Variants in BNC2 observed in about 807,000 individuals in gnomAD.
BNC2 encodes basonuclin zinc finger protein 2.
A neutral mutation model predicts 76.3 loss-of-function variants in BNC2; 20 were observed. The observed-to-expected ratio is 0.26, with a 90% CI of 0.18 to 0.38. BNC2 has a LOEUF of 0.38. BNC2 is among the 10% of genes least tolerant of loss of function. BNC2 has a pLI of 1.00. For missense variants in BNC2, 1,382 were observed against 1,399.8 expected (o/e 0.99, Z 0.20); for synonymous variants, 582 against 514.8 (o/e 1.13, Z -1.77).
intron 3 of BNC2, among the ~76,000 whole-genome samples, chr9:16,625,123 AT>A (rs970168051): frequency 2.0e-5 from 3 of 152,208 alleles, no homozygotes; most frequent in African/African-American, 7.2e-5. Context: ...TCAGAGAATT[AT>A]TTGTAAGATT....
At chr9:16,699,612 G>C (rs1823448570) in intron 3 of BNC2, among the ~76,000 whole-genome samples, 1 of 152,198 alleles carries the variant, frequency 6.6e-6, no homozygotes, top group Admixed American at 6.5e-5. Context: ...AACTGCATAA[G>C]ACTAGCAATC....
intron 5 of BNC2, among the ~76,000 whole-genome samples, chr9:16,500,645 C>T (rs1490110331): frequency 2.0e-5 from 3 of 151,976 alleles, no homozygotes; most frequent in Non-Finnish European, 2.9e-5. Context: ...AAATTTTGGC[C>T]AAAGAATTTA....
intron 1 of BNC2, among the ~76,000 whole-genome samples, chr9:16,840,222 A>G (rs1586925458): frequency 6.6e-6 from 1 of 152,154 alleles, no homozygotes; most frequent in Non-Finnish European, 1.5e-5. Context: ...TGTTTATCAC[A>G]TACCCACTAA....
chr9:16,419,141 G>A lies in BNC2; in HGVS notation c.3148C>T (p.Leu1050=), dbSNP rs759422661. Residue 1050 remains leucine (L), a synonymous_variant, in exon 7 of 7, where the codon CTG becomes TTG. Coordinates refer to ENST00000380672, the MANE Select transcript of BNC2 (RefSeq NM_017637.6). The part of the protein sequence containing the change: ...CHKMYSNKGT[L]RVHYKTVHLR... ...TGCACAGTTTTGTAGTGCACTCTCA[G>A]GGTCCCCTTGTTGCTGTACATTTTG... The A allele has an allele frequency of 6.2e-6, 10 of 1,614,062 alleles. No individual in the cohort carries two copies. In the East Asian group the frequency reaches 1.1e-4, roughly 18 times the overall value.
intron 4 of BNC2, among the ~76,000 whole-genome samples, chr9:16,566,086 C>T (rs946207035): frequency 6.6e-6 from 1 of 152,084 alleles, no homozygotes; most frequent in Admixed American, 6.6e-5. Flanking sequence ...TTTTCTTTCC[C>T]GTTTCGATTT....
At chr9:16,784,321 CACTACT>C (rs1826225242) in intron 1 of BNC2, among the ~76,000 whole-genome samples, 1 of 152,034 alleles carries the variant, frequency 6.6e-6, no homozygotes, top group Admixed American at 6.6e-5. Context: ...AACTATTTAC[CACTACT>C]ACTACTATAC....
intron 1 of BNC2, among the ~76,000 whole-genome samples, chr9:16,861,806 A>T (rs980847978): frequency 1.3e-5 from 2 of 152,142 alleles, no homozygotes; most frequent in African/African-American, 4.8e-5. Context: ...TGGCTAACAC[A>T]GTGAAACAAC....
At chr9:16,783,497 G>A (rs112833643) in intron 1 of BNC2, among the ~76,000 whole-genome samples, 1 of 152,182 alleles carries the variant, frequency 6.6e-6, no homozygotes, top group African/African-American at 2.4e-5. Flanking sequence ...TTCTGCATAC[G>A]ACAAGTTTCA....
chr9:16,499,885 G>C (rs1159774478), intron 5 of BNC2, among the ~76,000 whole-genome samples: 1 of 151,880 alleles, frequency 6.6e-6, no homozygotes, highest in East Asian at 1.9e-4. Flanking sequence ...AAGAAAATAT[G>C]ATCAATCTTC....
chr9:16,623,674 G>A (rs1820921242), intron 3 of BNC2, among the ~76,000 whole-genome samples: 1 of 152,202 alleles, frequency 6.6e-6, no homozygotes, highest in Non-Finnish European at 1.5e-5. Context: ...ATGCATAACA[G>A]ATAAACACTG....
At chr9:16,626,326 C>T (rs993787864) in intron 3 of BNC2, 4 of 152,056 alleles carry the variant, frequency 2.6e-5, no homozygotes, top group South Asian at 2.1e-4. Context: ...CTTTAAAATG[C>T]GAGTTTTTCA....
At chr9:16,809,193 T>C (rs927221892) in intron 1 of BNC2, among the ~76,000 whole-genome samples, 1 of 152,160 alleles carries the variant, frequency 6.6e-6, no homozygotes, top group African/African-American at 2.4e-5. Flanking sequence ...CTGCATGTGA[T>C]GGGAGCTGCC....
chr9:16,453,908 T>G (rs1821393443), intron 5 of BNC2, among the ~76,000 whole-genome samples: 1 of 152,182 alleles, frequency 6.6e-6, no homozygotes, highest in Non-Finnish European at 1.5e-5. Flanking sequence ...CCAATCTACC[T>G]TTTATGTCTT....
At chr9:16,861,205 T>TATATATATATATATATATATA (rs1241413014) in intron 1 of BNC2, among the ~76,000 whole-genome samples, 18 of 141,582 alleles carry the variant, frequency 1.3e-4, no homozygotes, top group African/African-American at 2.4e-4. Context: ...TATATATAAA[T>TATATATATATATATATATATA]TAACCAGGCA....
At chr9:16,537,245 T>A (rs1303735846) in intron 5 of BNC2, among the ~76,000 whole-genome samples, 1 of 152,184 alleles carries the variant, frequency 6.6e-6, no homozygotes, top group African/African-American at 2.4e-5. Context: ...TCTTTAGGAC[T>A]ATCTTTTGAT....
At chr9:16,488,916 T>C (rs1459177411) in intron 5 of BNC2, among the ~76,000 whole-genome samples, 1 of 152,166 alleles carries the variant, frequency 6.6e-6, no homozygotes, top group Non-Finnish European at 1.5e-5. Context: ...ATCATCTATA[T>C]TATGTTTCAG....
chr9:16,577,845 G>C (rs1347352670), intron 4 of BNC2, among the ~76,000 whole-genome samples: 1 of 151,982 alleles, frequency 6.6e-6, no homozygotes, highest in Non-Finnish European at 1.5e-5. Context: ...AGTGAATGAA[G>C]ATTCTAGTAT....
intron 5 of BNC2, among the ~76,000 whole-genome samples, chr9:16,452,054 TA>T (rs1351448219): frequency 6.6e-6 from 1 of 152,184 alleles, no homozygotes; most frequent in Non-Finnish European, 1.5e-5. Context: ...GTGCTTTTCC[TA>T]AAAATGTAAA....
chr9:16,812,998 C>G (rs1818090050), intron 1 of BNC2, among the ~76,000 whole-genome samples: 1 of 152,040 alleles, frequency 6.6e-6, no homozygotes, highest in Admixed American at 6.5e-5. Context: ...TACCTGAGGT[C>G]AAGAGTTGGA....
Sources: gnomAD v4.1 joint callset for allele counts (sites outside exome capture counted in the v4.1 genomes callset) on GRCh38, gnomAD v4.1.1 for gene constraint, MANE v1.5 for transcripts, NCBI Gene and HGNC (gene_info 2026-07-23, HGNC 2026-07-21) for gene names.